RBFOX1: variants seen among roughly 807,000 people sequenced by gnomAD.
The protein encoded by RBFOX1 is RNA binding fox-1 homolog 1.
Under a neutral mutation model 57.7 loss-of-function variants are expected in RBFOX1, and 8 were observed. The observed-to-expected ratio is 0.14, with a 90% confidence interval of 0.08 to 0.25. The LOEUF (loss-of-function observed/expected upper bound fraction) is 0.25. Ranked by LOEUF, RBFOX1 falls within the 10% of genes least tolerant of loss-of-function variation. The pLI, the probability that RBFOX1 is intolerant of heterozygous loss-of-function variation, is 1.00. For missense variants in RBFOX1, 611 were observed against 548.5 expected, an observed-to-expected ratio of 1.11 and a Z score of -1.14; for synonymous variants, 326 against 222.4, an observed-to-expected ratio of 1.47 and a Z score of -4.15.
chr16:7,414,246 C>G (rs999284395), intron 4 of RBFOX1, among the ~76,000 whole-genome samples: 4 of 152,206 alleles, frequency 2.6e-5, no homozygotes, highest in African/African-American at 7.2e-5. Context: ...AAACCGAGTG[C>G]TCACCTTGGT....
chr16:6,922,883 A>C (rs905152910), intron 3 of RBFOX1, among the ~76,000 whole-genome samples: 4 of 152,170 alleles, frequency 2.6e-5, no homozygotes, highest in Non-Finnish European at 5.9e-5. Flanking sequence ...TACCTTGGGA[A>C]GTCTTAAACA....
chr16:6,991,198 A>G (rs1282255260), intron 3 of RBFOX1, among the ~76,000 whole-genome samples: 3 of 151,280 alleles, frequency 2.0e-5, no homozygotes, highest in Non-Finnish European at 4.4e-5. Context: ...CCAGTTACAG[A>G]ATGAGGCAGG....
At chr16:6,364,430 C>A (rs774678631) in intron 2 of RBFOX1, among the ~76,000 whole-genome samples, 1 of 152,146 alleles carries the variant, frequency 6.6e-6, no homozygotes, top group African/African-American at 2.4e-5. Context: ...TTATTTTTAA[C>A]ACCCACCTTG....
Position 7,447,092 on chromosome 16 carries a change from G to A in RBFOX1, c.28-71055G>A, listed in dbSNP as rs944090699. ...CTCCCAAAGTGCTGGGATTACAGGC[G>A]TGAGCCACTGTCCTCGGCCTCAAGG... On this transcript the variant is annotated intron_variant, in intron 4 of 15. Transcript: ENST00000550418. 2.6e-5 allele frequency among the ~76,000 whole-genome samples: 4 copies of A among 152,046 alleles called. No individual in the cohort carries two copies. The East Asian group carries it at 5.9e-4, about 22-fold the overall frequency.
chr16:7,332,242 G>C (rs2096707676), intron 4 of RBFOX1, among the ~76,000 whole-genome samples: 2 of 152,258 alleles, frequency 1.3e-5, no homozygotes, highest in South Asian at 2.1e-4. Context: ...TTTCCCATTT[G>C]TTATATGGGA....
intron 4 of RBFOX1, among the ~76,000 whole-genome samples, chr16:7,119,231 G>T (rs2066574719): frequency 6.6e-6 from 1 of 152,140 alleles, no homozygotes; most frequent in Non-Finnish European, 1.5e-5. Context: ...GTACAAGGCA[G>T]TAATTTTTTT....
intron 2 of RBFOX1, among the ~76,000 whole-genome samples, chr16:5,595,692 C>A (rs1183217320): frequency 6.6e-6 from 1 of 152,180 alleles, no homozygotes; most frequent in African/African-American, 2.4e-5. Context: ...CAGCCACTAC[C>A]TCCCTCGCTG....
chr16:5,892,068 A>T (rs887688392), intron 4 of RBFOX1, among the ~76,000 whole-genome samples: 1 of 152,230 alleles, frequency 6.6e-6, no homozygotes, highest in African/African-American at 2.4e-5. Flanking sequence ...TAGGCACATC[A>T]GTGAGCACAA....
chr16:7,086,337 G>C lies in RBFOX1; in HGVS notation c.27+34239G>C, dbSNP rs147299881. 4.6e-5 allele frequency among the ~76,000 whole-genome samples: 7 copies of C among 152,206 alleles called. No individual in the cohort carries two copies. The East Asian group carries it at 1.2e-3, about 25-fold the overall frequency. ...TCACTAATGGTCAAAACTCAGACCT[G>C]AGCAAGAGATAATATTTCCCCCTCT... On this transcript the variant is annotated intron_variant, in intron 4 of 15. Coordinates refer to ENST00000550418, the MANE Select transcript of RBFOX1 (RefSeq NM_018723.4).
intron 1 of RBFOX1, among the ~76,000 whole-genome samples, chr16:6,285,764 G>T (rs114502945): frequency 0.01 from 1,567 of 152,254 alleles, 20 homozygotes; most frequent in Middle Eastern, 0.041. Flanking sequence ...ATTGTAGGTA[G>T]ACTCTGTTTC....
At chr16:6,953,265 A>T (rs1023560635) in intron 3 of RBFOX1, among the ~76,000 whole-genome samples, 2 of 152,196 alleles carry the variant, frequency 1.3e-5, no homozygotes, top group African/African-American at 4.8e-5. Context: ...CCTTAAGTTC[A>T]AACATATACA....
At chr16:6,230,485 G>A (rs2097450902) in intron 1 of RBFOX1, among the ~76,000 whole-genome samples, 1 of 152,174 alleles carries the variant, frequency 6.6e-6, no homozygotes, top group Non-Finnish European at 1.5e-5. Context: ...TAACCTGGTA[G>A]TGTATTAGTC....
At chr16:6,703,650 T>C (rs1454951741) in intron 3 of RBFOX1, among the ~76,000 whole-genome samples, 1 of 152,036 alleles carries the variant, frequency 6.6e-6, no homozygotes, top group East Asian at 1.9e-4. Flanking sequence ...GAGGCTGCAG[T>C]GAGCCATAGC....
At chr16:6,605,416 A>C (rs2097912744) in intron 2 of RBFOX1, among the ~76,000 whole-genome samples, 2 of 152,152 alleles carry the variant, frequency 1.3e-5, no homozygotes, top group Non-Finnish European at 2.9e-5. Context: ...ATTATCAAGC[A>C]CAGACTGTGA....
chr16:5,503,546 C>A (rs573310218), intron 2 of RBFOX1, among the ~76,000 whole-genome samples: 3 of 152,260 alleles, frequency 2.0e-5, no homozygotes, highest in South Asian at 2.1e-4. Context: ...TGGGTTCAAG[C>A]GATTCTTGTG....
At chr16:5,999,333 G>C (rs1302298948) in intron 4 of RBFOX1, among the ~76,000 whole-genome samples, 1 of 152,160 alleles carries the variant, frequency 6.6e-6, no homozygotes, top group East Asian at 1.9e-4. Context: ...TCTCAGCTCA[G>C]ACATCACTTC....
intron 4 of RBFOX1, among the ~76,000 whole-genome samples, chr16:7,100,395 A>G (rs576252596): frequency 2.0e-5 from 3 of 152,158 alleles, no homozygotes; most frequent in African/African-American, 7.2e-5. Context: ...ATCACTCAAC[A>G]TTTTTGACGT....
intron 5 of RBFOX1, among the ~76,000 whole-genome samples, chr16:7,541,899 G>A (rs1040008586): frequency 6.6e-6 from 1 of 152,322 alleles, no homozygotes. Flanking sequence ...CCACATGCCT[G>A]CAAAGAAGTC....
chr16:7,258,328 G>T (rs1348830056), intron 4 of RBFOX1, among the ~76,000 whole-genome samples: 2 of 152,090 alleles, frequency 1.3e-5, no homozygotes, highest in African/African-American at 2.4e-5. Flanking sequence ...GAGTGAAAAT[G>T]ATAAGAAATA....
Sources: gnomAD v4.1 joint callset for allele counts (sites outside exome capture counted in the v4.1 genomes callset) on GRCh38, gnomAD v4.1.1 for gene constraint, MANE v1.5 for transcripts, NCBI Gene and HGNC (gene_info 2026-07-23, HGNC 2026-07-21) for gene names.